LRR1: variants seen among roughly 807,000 people sequenced by gnomAD.
LRR1 encodes the protein leucine rich repeat protein 1, also known as leucine-rich repeat protein 1.
LRR1 carries 29 observed loss-of-function variants against 31.6 expected under a neutral mutation model. The ratio of observed to expected loss-of-function variants is 0.92; its 90% CI spans 0.68 to 1.25. The LOEUF is 1.25. Ranked by LOEUF, LRR1 falls within the 50% of genes most tolerant of loss-of-function variation. LRR1 has a pLI of 0.00. For synonymous variants in LRR1, 179 were observed against 181.4 expected, an observed-to-expected ratio of 0.99 and a Z score of 0.10; for missense variants, 485 against 487.2, an observed-to-expected ratio of 1.00 and a Z score of 0.04.
At chr14:49,612,005 A>T (rs925338375) in intron 3 of LRR1, among the ~76,000 whole-genome samples, 4 of 152,182 alleles carry the variant, frequency 2.6e-5, no homozygotes, top group Non-Finnish European at 4.4e-5. Context: ...GAGAAATGTT[A>T]TAGTTTTGAT....
At chr14:49,608,142 T>G in intron 3 of LRR1, 21 bp downstream of exon 3, 1 of 1,522,678 alleles carries the variant, frequency 6.6e-7, no homozygotes, top group Non-Finnish European at 8.7e-7. Flanking sequence ...AATAGTCATG[T>G]AATGTGGTGT....
At chr14:49,612,801 G>A (rs1216764234) in intron 3 of LRR1, among the ~76,000 whole-genome samples, 2 of 152,140 alleles carry the variant, frequency 1.3e-5, no homozygotes, top group African/African-American at 4.8e-5. Flanking sequence ...AAGACACCGT[G>A]TGGGAGGCAA....
intron 2 of LRR1, among the ~76,000 whole-genome samples, chr14:49,605,666 T>C (rs1463450061): frequency 6.6e-6 from 1 of 152,258 alleles, no homozygotes; most frequent in Non-Finnish European, 1.5e-5. Context: ...CTTTGTCTCT[T>C]GCTTCCAGCA....
rs1425412549 is a variant in LRR1, at chr14:49,600,836, C to T, written c.184-1534C>T. 3.5e-5 allele frequency: 30 copies of T among 855,836 alleles called. 1 individual carries two copies. Among genetic ancestry groups the T allele is most frequent in the Middle Eastern group, 3.7e-4 (1 of 2,732 alleles). The allele number at this position is 855,836 out of a possible 1,614,324, so 53.0% of individuals were successfully genotyped here. A position where few individuals can be genotyped will look rare whatever the true frequency, so the allele number is the denominator to read the frequency against. On this transcript the variant is annotated intron_variant, in intron 1 of 3. Coordinates refer to ENST00000298288, the MANE Select transcript of LRR1 (RefSeq NM_152329.4). The stretch of plus-strand genomic sequence containing the variant: ...ACAATCTATTATAAATACTTTATTT[C>T]AACTAGAAGGTACAATCTCTCAGGG...
At chr14:49,611,810 C>G (rs1278474255) in intron 3 of LRR1, among the ~76,000 whole-genome samples, 1 of 151,546 alleles carries the variant, frequency 6.6e-6, no homozygotes, top group Non-Finnish European at 1.5e-5. Flanking sequence ...GTAGTCTCAG[C>G]TACTGGGGAG....
chr14:49,599,786 G>A (rs1279280199), intron 1 of LRR1, among the ~76,000 whole-genome samples: 1 of 146,504 alleles, frequency 6.8e-6, no homozygotes, highest in African/African-American at 2.5e-5. Context: ...GCGGGGATCC[G>A]GGCGGCGACC....
At chr14:49,605,831 T>C (rs1439683096) in intron 2 of LRR1, among the ~76,000 whole-genome samples, 1 of 152,182 alleles carries the variant, frequency 6.6e-6, no homozygotes, top group Non-Finnish European at 1.5e-5. Flanking sequence ...CCAGGTCTTC[T>C]CCAGACTTTT....
At chr14:49,603,596 G>C in intron 2 of LRR1, 1 of 1,074,872 alleles carries the variant, frequency 9.3e-7, no homozygotes, top group South Asian at 2.2e-5. Context: ...AGTGGGAAGA[G>C]CTTGGTTCAC....
intron 3 of LRR1, chr14:49,612,557 G>A (rs1239131673): frequency 8.3e-7 from 1 of 1,203,830 alleles, no homozygotes; most frequent in Admixed American, 3.2e-5. Context: ...TTAAGCAACA[G>A]ATTAATAAGT....
chr14:49,604,920 C>T (rs1882225571), intron 2 of LRR1, among the ~76,000 whole-genome samples: 1 of 151,388 alleles, frequency 6.6e-6, no homozygotes, highest in Non-Finnish European at 1.5e-5. Context: ...TTTGATGAGA[C>T]AAGGTCTCAC....
At chr14:49,610,934 G>A (rs1194721412) in intron 3 of LRR1, among the ~76,000 whole-genome samples, 3 of 152,144 alleles carry the variant, frequency 2.0e-5, no homozygotes, top group Non-Finnish European at 2.9e-5. Flanking sequence ...CTATAAAATG[G>A]TAGAAAGATC....
At chr14:49,605,781 C>G (rs1182706585) in intron 2 of LRR1, among the ~76,000 whole-genome samples, 9 of 152,150 alleles carry the variant, frequency 5.9e-5, no homozygotes, top group African/African-American at 2.2e-4. Context: ...GGGTGAATCC[C>G]AAGTCTGTGA....
intron 1 of LRR1, chr14:49,599,980 C>T (rs1881985111): frequency 6.3e-7 from 1 of 1,588,600 alleles, no homozygotes; most frequent in African/African-American, 1.3e-5. Flanking sequence ...CGGAGGCCGG[C>T]CGGCAGCAGC....
At chr14:49,601,857 G>T (rs142444201) in intron 1 of LRR1, among the ~76,000 whole-genome samples, 1 of 146,496 alleles carries the variant, frequency 6.8e-6, no homozygotes, top group Non-Finnish European at 1.5e-5. Context: ...ACTTGGCCAC[G>T]CGCCGTGGCT....
rs757223739 is a variant in LRR1, at chr14:49,599,189, G to C, written c.169G>C (p.Gly57Arg). ...CATCTCCACCCTGAAGGACAAGCGC[G>C]GGACCCGCTATGAGGTGCGTGAAGT... ...LLISTLKDKRGTRYELRENIE... is the reference protein window; with the variant it reads ...LLISTLKDKRRTRYELRENIE... The change falls in exon 1 of 4, where the codon GGG (glycine) becomes CGG (arginine). Residue 57 changes from glycine to arginine, a missense_variant. Physicochemically the swap from Gly to Arg is moderately radical, Grantham distance 125. Transcript: ENST00000298288. The C allele has an allele frequency of 6.2e-7, 1 of 1,607,090 alleles. No individual in the cohort carries two copies. Among genetic ancestry groups the C allele is most frequent in the South Asian group, 1.1e-5 (1 of 89,660 alleles).
intron 1 of LRR1, chr14:49,601,102 G>A (rs1468389885): frequency 1.5e-5 from 24 of 1,611,046 alleles, no homozygotes; most frequent in African/African-American, 6.7e-5. Flanking sequence ...CGCTCCAAGC[G>A]TACAGGAGAT....
chr14:49,600,789 G>A, intron 1 of LRR1: 1 of 811,688 alleles, frequency 1.2e-6, no homozygotes, highest in Non-Finnish European at 1.9e-6. Flanking sequence ...GATTTAAGAA[G>A]CAGTAAGCAG....
chr14:49,603,681 C>CT (rs1192131820), intron 2 of LRR1: 12,290 of 673,824 alleles, frequency 0.018, 29 homozygotes, highest in East Asian at 0.041. Flanking sequence ...GTAATCATTC[C>CT]TTTTTTTTTT....
chr14:49,614,209 G>T (rs747616773), intron 3 of LRR1, 47 bp from the exon 4 acceptor site: 32 of 1,557,132 alleles, frequency 2.1e-5, no homozygotes, highest in Non-Finnish European at 2.5e-5. Flanking sequence ...TTCATGTCCT[G>T]AATCTAGTAA....
Sources: allele counts gnomAD v4.1 joint callset (sites outside exome capture counted in the v4.1 genomes callset), GRCh38; gene constraint gnomAD v4.1.1; transcripts MANE v1.5; gene names NCBI Gene and HGNC (gene_info 2026-07-23, HGNC 2026-07-21).